The following CACNA1C variants were observed in gnomAD, a reference collection of about 807,000 sequenced individuals.
CACNA1C encodes voltage-dependent L-type calcium channel subunit alpha-1C.
Under a neutral mutation model 229.0 loss-of-function variants are expected in CACNA1C, and 30 were observed. That is an observed-to-expected ratio of 0.13 (90% CI 0.10 to 0.18). The LOEUF is 0.18. Among genes scored for constraint, CACNA1C ranks in the 10% least tolerant of loss-of-function variants. The probability of loss-of-function intolerance (pLI) is 1.00; values close to 1 mark genes in which losing one functional copy is unlikely to be tolerated. For missense variants in CACNA1C, 1,658 were observed against 2,845.0 expected (o/e 0.58, Z 9.49); for synonymous variants, 1,114 against 1,132.5 (o/e 0.98, Z 0.33).
At position 2,552,011 on chromosome 12, in the gene CACNA1C, G is replaced by A. The variant is rs151095476; in HGVS notation, c.1481+1978G>A. Among the ~76,000 whole-genome samples, 115 of 152,266 alleles carry A rather than the reference G, an allele frequency of 7.6e-4. No homozygotes were observed. In the South Asian group the frequency reaches 0.013, roughly 18 times the overall value. ...AAAACTACCAATGAGGTGATAGGAC[G>A]GGTTGTTCAGAGTGAAGTGGAAAAC... On this transcript the variant is annotated intron_variant, in intron 10 of 46. Transcript: ENST00000399655.
At chr12:2,583,417 C>T (rs2061315832) in intron 15 of CACNA1C, among the ~76,000 whole-genome samples, 1 of 152,236 alleles carries the variant, frequency 6.6e-6, no homozygotes, top group African/African-American at 2.4e-5. Context: ...TAGTCACGGG[C>T]AGAGCTGCAC....
In CACNA1C at chr12:2,633,467, T is replaced by A. The variant is rs1439376267; in HGVS notation, c.3829-830T>A. On this transcript the variant is annotated intron_variant, in intron 29 of 46. Transcript: ENST00000399655. The surrounding 1 kb of genome is among the most constrained non-coding windows in gnomAD (Gnocchi z 5.8). ...AGAGTGTCGCCTCCCTGCTGCTCCTTCCTTGCTGGTGCTCCTGGGCTCCTG... is the reference window on the plus strand; with the variant it reads ...AGAGTGTCGCCTCCCTGCTGCTCCTACCTTGCTGGTGCTCCTGGGCTCCTG... 6.6e-6 allele frequency among the ~76,000 whole-genome samples: 1 copy of A among 152,172 alleles called. No homozygotes were observed. Among genetic ancestry groups the A allele is most frequent in the African/African-American group, 2.4e-5 (1 of 41,440 alleles).
intron 8 of CACNA1C, among the ~76,000 whole-genome samples, chr12:2,507,259 T>C (rs2099773898): frequency 6.6e-6 from 1 of 152,158 alleles, no homozygotes; most frequent in African/African-American, 2.4e-5. Flanking sequence ...CTGCCAAGGC[T>C]TCCTTGGCCA....
chr12:2,307,480 C>G (rs371983338), intron 3 of CACNA1C, among the ~76,000 whole-genome samples: 1 of 152,168 alleles, frequency 6.6e-6, no homozygotes, highest in Non-Finnish European at 1.5e-5. Flanking sequence ...CATGGTCTTT[C>G]GGCTGCATAG....
intron 1 of CACNA1C, among the ~76,000 whole-genome samples, chr12:2,003,053 C>T (rs2042552215): frequency 6.6e-6 from 1 of 152,196 alleles, no homozygotes; most frequent in Non-Finnish European, 1.5e-5. Flanking sequence ...TTGTGTTTGG[C>T]TACTAGGAGA....
rs143432125 is a variant in CACNA1C at position 2,347,363 on chromosome 12, A to C, written c.478-101613A>C. Among the ~76,000 whole-genome samples, 1,336 of 152,380 alleles carry C rather than the reference A, an allele frequency of 8.8e-3. 8 individuals carry two copies. Among genetic ancestry groups the C allele is most frequent in the Non-Finnish European group, 0.014 (962 of 68,034 alleles). ...CAGCATCCAGTGCTGTGTGCTAGGT[A>C]CATCCACAGCATCACAGTTTCATTT... On this transcript the variant is annotated intron_variant, in intron 3 of 46. Transcript: ENST00000399655.
chr12:2,111,455 C>T (rs1353232929), intron 1 of CACNA1C, among the ~76,000 whole-genome samples: 3 of 151,798 alleles, frequency 2.0e-5, no homozygotes, highest in Non-Finnish European at 2.9e-5. Context: ...GTGTTGTCCC[C>T]AAACTCCTGG....
At chr12:2,453,991 T>C (rs1203361490) in intron 4 of CACNA1C, among the ~76,000 whole-genome samples, 1 of 152,176 alleles carries the variant, frequency 6.6e-6, no homozygotes, top group Non-Finnish European at 1.5e-5. Context: ...CCCAGAAGCC[T>C]CCTTCCACTG....
At chr12:2,277,081 T>C (rs951988228) in intron 3 of CACNA1C, among the ~76,000 whole-genome samples, 2 of 152,152 alleles carry the variant, frequency 1.3e-5, no homozygotes, top group African/African-American at 4.8e-5. Context: ...CTAATATTAA[T>C]AGCTGACATT....
chr12:2,334,428 T>C (rs1053342295), intron 3 of CACNA1C, among the ~76,000 whole-genome samples: 4 of 152,160 alleles, frequency 2.6e-5, no homozygotes, highest in African/African-American at 7.2e-5. Context: ...AACTTCCAAC[T>C]AGCAGACTGG....
At chr12:2,339,823 CATT>C (rs2096808743) in intron 3 of CACNA1C, among the ~76,000 whole-genome samples, 1 of 152,086 alleles carries the variant, frequency 6.6e-6, no homozygotes, top group African/African-American at 2.4e-5. Flanking sequence ...CGTACATAGT[CATT>C]ATCAAAAAAT....
chr12:2,072,319 C>T (rs2154524711), intron 1 of CACNA1C, among the ~76,000 whole-genome samples: 1 of 152,282 alleles, frequency 6.6e-6, no homozygotes, highest in Non-Finnish European at 1.5e-5. Context: ...CTGCCCCAGC[C>T]TCCTGAGTAG....
At chr12:2,112,688 G>T (rs1171626344) in intron 1 of CACNA1C, among the ~76,000 whole-genome samples, 4 of 152,144 alleles carry the variant, frequency 2.6e-5, no homozygotes, top group African/African-American at 9.7e-5. Context: ...GTCTCCAAGA[G>T]GACCTGAGGG....
chr12:2,124,793 A>G (rs1596495406), intron 3 of CACNA1C, among the ~76,000 whole-genome samples: 1 of 152,166 alleles, frequency 6.6e-6, no homozygotes, highest in Non-Finnish European at 1.5e-5. Context: ...GCCAGGAGAA[A>G]GACTTCAGGA....
At chr12:2,674,072 CTCCAATCA>C (rs2096677367) in intron 38 of CACNA1C, among the ~76,000 whole-genome samples, 1 of 152,268 alleles carries the variant, frequency 6.6e-6, no homozygotes, top group Non-Finnish European at 1.5e-5. Context: ...CAGATGTACC[CTCCAATCA>C]TCCATGTTCC....
chr12:2,527,865 G>C (rs1410341041), intron 9 of CACNA1C, among the ~76,000 whole-genome samples: 1 of 152,114 alleles, frequency 6.6e-6, no homozygotes, highest in African/African-American at 2.4e-5. Flanking sequence ...AGGAAGCTAA[G>C]GGGTCAGTTG....
chr12:2,566,693 G>A lies in CACNA1C; in HGVS notation c.1669+111G>A, dbSNP rs1052166946. The A allele has an allele frequency of 1.6e-5, 15 of 919,118 alleles. No homozygotes were observed. The highest frequency in any genetic ancestry group is 2.7e-5 in the East Asian group (1 of 37,148). The allele number at this position is 919,118 out of a possible 1,614,324, so 56.9% of individuals were successfully genotyped here. A position where few individuals can be genotyped will look rare whatever the true frequency, so the allele number is the denominator to read the frequency against. On this transcript the variant is annotated intron_variant, in intron 12 of 46. Coordinates refer to ENST00000399655, the MANE Select transcript of CACNA1C (RefSeq NM_000719.7). The surrounding 1 kb of genome is among the most constrained non-coding windows in gnomAD (Gnocchi z 4.0). ...GTGGAGGGGAAAGCAGCCAATGGTC[G>A]GGGCTCTTGGCAGGTGCTGTGCTGG...
intron 22 of CACNA1C, among the ~76,000 whole-genome samples, chr12:2,603,163 G>A (rs2073613978): frequency 6.6e-6 from 1 of 152,110 alleles, no homozygotes; most frequent in South Asian, 2.1e-4. Flanking sequence ...ATCCCAGCAT[G>A]GCCACTCAGT....
intron 4 of CACNA1C, among the ~76,000 whole-genome samples, chr12:2,451,702 C>T (rs1171225249): frequency 1.3e-5 from 2 of 152,330 alleles, no homozygotes; most frequent in African/African-American, 2.4e-5. Flanking sequence ...CTCCTCCACA[C>T]AACCACAAGG....
Sources: allele counts gnomAD v4.1 joint callset (sites outside exome capture counted in the v4.1 genomes callset), GRCh38; gene constraint gnomAD v4.1.1; non-coding constraint Gnocchi (gnomAD v3.1); transcripts MANE v1.5; gene names NCBI Gene and HGNC (gene_info 2026-07-23, HGNC 2026-07-21).